NFIB: variants seen among roughly 807,000 people sequenced by gnomAD.
NFIB encodes the protein nuclear factor I B, also known as nuclear factor 1 B-type.
A neutral mutation model predicts 61.5 loss-of-function variants in NFIB; 11 were observed. The observed-to-expected ratio is 0.18, with a 90% confidence interval of 0.11 to 0.30. The LOEUF (loss-of-function observed/expected upper bound fraction) is 0.30. NFIB is among the 10% of genes least tolerant of loss of function. The pLI, the probability that NFIB is intolerant of heterozygous loss-of-function variation, is 1.00. For missense variants in NFIB, 471 were observed against 608.9 expected (o/e 0.77, Z 2.38); for synonymous variants, 260 against 216.5 (o/e 1.20, Z -1.76).
chr9:14,218,132 G>C (rs1373239380), intron 2 of NFIB, among the ~76,000 whole-genome samples: 1 of 152,184 alleles, frequency 6.6e-6, no homozygotes, highest in Non-Finnish European at 1.5e-5. Context: ...AATGAGCTGA[G>C]AGCTCCAAGG....
At chr9:14,155,748 A>G in intron 4 of NFIB, 77 bp downstream of exon 4, 2 of 846,100 alleles carry the variant, frequency 2.4e-6, no homozygotes, top group Non-Finnish European at 3.7e-6. Context: ...CACTCTTTAT[A>G]CTACATTTAA....
intron 1 of NFIB, among the ~76,000 whole-genome samples, chr9:14,345,468 A>C (rs939690334): frequency 6.6e-6 from 1 of 152,210 alleles, no homozygotes; most frequent in Non-Finnish European, 1.5e-5. Context: ...GGAGCTTAAA[A>C]ATAAATAAAT....
chr9:14,216,176 T>C (rs1484302324), intron 2 of NFIB, among the ~76,000 whole-genome samples: 5 of 152,234 alleles, frequency 3.3e-5, no homozygotes, highest in Non-Finnish European at 7.3e-5. Context: ...AATTGCCTGG[T>C]CACAATTTTT....
intron 8 of NFIB, among the ~76,000 whole-genome samples, chr9:14,119,039 G>C (rs1326575727): frequency 2.0e-5 from 3 of 151,818 alleles, no homozygotes; most frequent in Non-Finnish European, 4.4e-5. Context: ...GGAACTCTAA[G>C]ATTTTCCACA....
chr9:14,419,145 G>A, the NFIB span, among the ~76,000 whole-genome samples: 910 of 151,476 alleles, frequency 6.0e-3, 5 homozygotes, highest in Admixed American at 0.023. Context: ...GCACTAAAGT[G>A]GGACTGGGGA....
the NFIB span, among the ~76,000 whole-genome samples, chr9:14,417,967 T>C: frequency 1.3e-4 from 19 of 151,914 alleles, no homozygotes; most frequent in Non-Finnish European, 1.9e-4. Context: ...TTAGTAGAGA[T>C]GGGGTTTCAC....
At chr9:14,205,930 A>AACAC (rs112967996) in intron 2 of NFIB, among the ~76,000 whole-genome samples, 1,928 of 148,660 alleles carry the variant, frequency 0.013, 36 homozygotes, top group African/African-American at 0.039. Flanking sequence ...TCACCTGAAA[A>AACAC]ACACACACAC....
the NFIB span, among the ~76,000 whole-genome samples, chr9:14,485,493 T>C: frequency 6.6e-6 from 1 of 152,238 alleles, no homozygotes; most frequent in Non-Finnish European, 1.5e-5. Context: ...TATTAGTAGT[T>C]GTGTTGGCAT....
chr9:14,164,119 AG>A (rs1163252588), intron 3 of NFIB, among the ~76,000 whole-genome samples: 1 of 152,008 alleles, frequency 6.6e-6, no homozygotes, highest in East Asian at 1.9e-4. Context: ...ATAGAAAAAA[AG>A]AAATATTTAA....
intron 3 of NFIB, among the ~76,000 whole-genome samples, chr9:14,163,732 A>T (rs1298743669): frequency 6.6e-6 from 1 of 152,064 alleles, no homozygotes; most frequent in South Asian, 2.1e-4. Context: ...GACTAACTTC[A>T]TATCATTCAA....
chr9:14,495,843 T>C, the NFIB span, among the ~76,000 whole-genome samples: 38 of 152,302 alleles, frequency 2.5e-4, no homozygotes, highest in Middle Eastern at 3.4e-3. Flanking sequence ...TCACAGACTA[T>C]CTTAAATCTA....
At chr9:14,259,844 G>A (rs2056582951) in intron 2 of NFIB, among the ~76,000 whole-genome samples, 2 of 152,216 alleles carry the variant, frequency 1.3e-5, no homozygotes, top group Admixed American at 6.5e-5. Flanking sequence ...GGCAGAGGTT[G>A]CAGTCAGCTG....
intron 7 of NFIB, among the ~76,000 whole-genome samples, chr9:14,122,126 C>A (rs1229558221): frequency 8.0e-6 from 1 of 124,980 alleles, no homozygotes; most frequent in Admixed American, 1.0e-4. Flanking sequence ...TTAGCCATAA[C>A]CTACAAAGGG....
At chr9:14,481,476 A>G in the NFIB span, among the ~76,000 whole-genome samples, 1 of 151,672 alleles carries the variant, frequency 6.6e-6, no homozygotes. Context: ...GGAACCCAAA[A>G]CAAGACAAGG....
chr9:14,237,697 C>CA (rs1170259757), intron 2 of NFIB, among the ~76,000 whole-genome samples: 3 of 151,638 alleles, frequency 2.0e-5, no homozygotes, highest in African/African-American at 7.3e-5. Flanking sequence ...TGCCGATCTA[C>CA]ATTGTTTCTT....
At position 14,113,283 on chromosome 9, in the gene NFIB, C is replaced by T. The variant is rs73409974; in HGVS notation, c.1385-202G>A. The stretch of plus-strand genomic sequence containing the variant: ...CTTCAAATCAACTAGTTTATTCCCC[C>T]TAAAAAATCTATCCAGTAAAGCAGA... On this transcript the variant is annotated intron_variant, in intron 9 of 10. Transcript: ENST00000380953. Among the ~76,000 whole-genome samples, 601 of 152,206 alleles carry T rather than the reference C, an allele frequency of 3.9e-3. 3 individuals carry two copies. The highest frequency in any genetic ancestry group is 0.014 in the African/African-American group (573 of 41,534).
intron 2 of NFIB, among the ~76,000 whole-genome samples, chr9:14,185,485 CTG>C (rs1327579280): frequency 6.6e-5 from 10 of 152,290 alleles, no homozygotes; most frequent in African/African-American, 2.4e-4. Flanking sequence ...GTCTCCAAGT[CTG>C]TGCATAATGT....
chr9:14,349,846 G>C (rs1261218070), intron 1 of NFIB, among the ~76,000 whole-genome samples: 1 of 152,156 alleles, frequency 6.6e-6, no homozygotes, highest in Non-Finnish European at 1.5e-5. Context: ...CGCTTCCCGC[G>C]CGGCAGTCCC....
At chr9:14,448,902 G>A in the NFIB span, among the ~76,000 whole-genome samples, 2 of 152,150 alleles carry the variant, frequency 1.3e-5, no homozygotes, top group Non-Finnish European at 2.9e-5. Flanking sequence ...AGTGAGGATT[G>A]GGAGATAGAG....
Sources: gnomAD v4.1 joint callset for allele counts (sites outside exome capture counted in the v4.1 genomes callset) on GRCh38, gnomAD v4.1.1 for gene constraint, MANE v1.5 for transcripts, NCBI Gene and HGNC (gene_info 2026-07-23, HGNC 2026-07-21) for gene names.